Variants in PRKD1 observed in about 807,000 individuals in gnomAD.
PRKD1 encodes the protein protein kinase D1.
A neutral mutation model predicts 95.9 loss-of-function variants in PRKD1; 63 were observed. The observed-to-expected ratio is 0.66, with a 90% confidence interval of 0.54 to 0.81. PRKD1 has a LOEUF of 0.81. Among genes scored for constraint, PRKD1 ranks in the 30% least tolerant of loss-of-function variants. The probability of loss-of-function intolerance (pLI) is 0.00; values close to 1 mark genes in which losing one functional copy is unlikely to be tolerated. For missense variants in PRKD1, 1,048 were observed against 1,165.3 expected (o/e 0.90, Z 1.47); for synonymous variants, 425 against 423.1 (o/e 1.00, Z -0.05).
intron 1 of PRKD1, among the ~76,000 whole-genome samples, chr14:29,828,295 G>A (rs1891274309): frequency 6.6e-6 from 1 of 152,112 alleles, no homozygotes; most frequent in African/African-American, 2.4e-5. Context: ...AGGAGGAGCA[G>A]GCATGTCACA....
At chr14:29,852,356 G>A (rs1224397580) in intron 1 of PRKD1, among the ~76,000 whole-genome samples, 1 of 151,948 alleles carries the variant, frequency 6.6e-6, no homozygotes, top group Non-Finnish European at 1.5e-5. Context: ...ACACACTAGA[G>A]AAATTAGAAG....
At chr14:29,752,679 C>T (rs1887533401) in intron 1 of PRKD1, among the ~76,000 whole-genome samples, 1 of 151,906 alleles carries the variant, frequency 6.6e-6, no homozygotes, top group African/African-American at 2.4e-5. Context: ...ATGAGGGCAT[C>T]ACCAACTTAA....
intron 13 of PRKD1, among the ~76,000 whole-genome samples, chr14:29,618,919 G>C (rs1879056359): frequency 6.6e-6 from 1 of 152,198 alleles, no homozygotes; most frequent in African/African-American, 2.4e-5. Context: ...AGAGCTGACT[G>C]AGGAGGATTT....
intron 1 of PRKD1, among the ~76,000 whole-genome samples, chr14:29,926,471 C>T (rs979932632): frequency 6.6e-6 from 1 of 152,140 alleles, no homozygotes; most frequent in African/African-American, 2.4e-5. Context: ...GCTGAGTCTC[C>T]TCTGGGGGTG....
intron 1 of PRKD1, among the ~76,000 whole-genome samples, chr14:29,899,980 G>C (rs1173143961): frequency 3.9e-5 from 6 of 152,192 alleles, no homozygotes; most frequent in Non-Finnish European, 8.8e-5. Context: ...CTGAGCTTGA[G>C]CTCTCTTTCC....
At position 29,676,177 on chromosome 14, in the gene PRKD1, G is replaced by GTTTTTTTTTTTTT. The variant is rs147308040; in HGVS notation, c.404-9970_404-9969insAAAAAAAAAAAAA. Among the ~76,000 whole-genome samples the GTTTTTTTTTTTTT allele has an allele frequency of 2.4e-3, 248 of 104,658 alleles. 14 individuals are homozygous for GTTTTTTTTTTTTT. The highest frequency in any genetic ancestry group is 5.5e-3 in the African/African-American group (132 of 23,842). 68.7% of individuals were successfully genotyped at this position (104,658 alleles called of 152,430 possible). On this transcript the variant is annotated intron_variant, in intron 2 of 17. Coordinates refer to ENST00000331968, the MANE Select transcript of PRKD1 (RefSeq NM_002742.3). ...GCTGTAGGCATGCATAGTTCATTACGTTTTTGTTTTTTTTTTTTTTTTTTT... is the reference window on the plus strand; with the variant it reads ...GCTGTAGGCATGCATAGTTCATTACGTTTTTTTTTTTTTTTTTTGTTTTTTTTTTTTTTTTTTT...
At chr14:29,768,709 T>TAAAAA (rs558238071) in intron 1 of PRKD1, among the ~76,000 whole-genome samples, 1 of 142,332 alleles carries the variant, frequency 7.0e-6, no homozygotes. Context: ...TCTCCCTGAT[T>TAAAAA]AAAAAAAAAA....
chr14:29,789,310 T>C (rs1286476081), intron 1 of PRKD1, among the ~76,000 whole-genome samples: 2 of 152,162 alleles, frequency 1.3e-5, no homozygotes, highest in African/African-American at 4.8e-5. Flanking sequence ...TTTCCTTGCT[T>C]TTTCATTTTT....
At chr14:29,636,043 GC>G (rs1309701320) in intron 7 of PRKD1, among the ~76,000 whole-genome samples, 6 of 19,330 alleles carry the variant, frequency 3.1e-4, no homozygotes, top group African/African-American at 1.2e-3. Flanking sequence ...TCTCTCACAT[GC>G]AAAAAAAAAA....
At position 29,927,464 on chromosome 14, in the gene PRKD1, C is replaced by T; in HGVS notation, c.49G>A (p.Ala17Thr). The T allele has an allele frequency of 7.7e-7, 1 of 1,292,362 alleles. No individual in the cohort carries two copies. Among genetic ancestry groups the T allele is most frequent in the Non-Finnish European group, 9.8e-7 (1 of 1,024,764 alleles). 80.1% of individuals were successfully genotyped at this position (1,292,362 alleles called of 1,614,324 possible). ...LRPPSPLLPVAAAAAAAAAAL... is the reference protein window; with the variant it reads ...LRPPSPLLPVTAAAAAAAAAL... ...GCGGCCGCTGCGGCAGCTGCCGCCG[C>T]CACGGGCAGCAGCGGACTGGGCGGC... Residue 17 changes from alanine (A) to threonine (T), a missense_variant, in exon 1 of 18, where the codon GCG becomes ACG. By Grantham distance (58) the Ala-to-Thr change is moderately conservative. This residue lies in a region of PRKD1 where 34 missense variants were observed against 54.8 expected (regional missense o/e 0.62). Coordinates refer to ENST00000331968, the MANE Select transcript of PRKD1 (RefSeq NM_002742.3).
At chr14:29,585,664 T>G (rs748178977) in intron 16 of PRKD1, among the ~76,000 whole-genome samples, 14 of 152,196 alleles carry the variant, frequency 9.2e-5, no homozygotes, top group Non-Finnish European at 1.9e-4. Flanking sequence ...TATTTCTGGA[T>G]GGTAGAGCAT....
intron 1 of PRKD1, among the ~76,000 whole-genome samples, chr14:29,785,542 G>C (rs1889231819): frequency 1.3e-5 from 2 of 151,912 alleles, no homozygotes. Context: ...TTCCAATTTG[G>C]ATGCTCTTTA....
At chr14:29,865,828 C>T (rs1004493452) in intron 1 of PRKD1, among the ~76,000 whole-genome samples, 29 of 152,182 alleles carry the variant, frequency 1.9e-4, no homozygotes, top group African/African-American at 6.8e-4. Context: ...CCAAATTCCA[C>T]TTACCTGGCT....
chr14:29,663,945 A>C, intron 3 of PRKD1, 86 bp from the exon 4 acceptor site: 1 of 1,300,866 alleles, frequency 7.7e-7, no homozygotes, highest in Non-Finnish European at 1.1e-6. Flanking sequence ...AATTTAAAAA[A>C]TAGTACAGCT....
intron 1 of PRKD1, among the ~76,000 whole-genome samples, chr14:29,854,402 T>C (rs1400492401): frequency 6.6e-6 from 1 of 152,200 alleles, no homozygotes; most frequent in East Asian, 1.9e-4. Context: ...GCTGGTGGCA[T>C]TCTGCCCCTG....
chr14:29,711,707 T>C (rs1050962239), intron 2 of PRKD1, among the ~76,000 whole-genome samples: 1 of 152,172 alleles, frequency 6.6e-6, no homozygotes, highest in African/African-American at 2.4e-5. Context: ...CATATGGATC[T>C]TTTAAGAACC....
chr14:29,604,273 T>C (rs1229020811), intron 13 of PRKD1, among the ~76,000 whole-genome samples: 4 of 152,152 alleles, frequency 2.6e-5, no homozygotes, highest in African/African-American at 7.2e-5. Flanking sequence ...ATTTATTCCA[T>C]ATATGTAGTT....
At position 29,838,457 on chromosome 14, in the gene PRKD1, T is replaced by C. The variant is rs1414482752; in HGVS notation, c.264+88792A>G. ...TGTATAATCCTTCCAAGAAATTAGT[T>C]AGAAATATAGAGTTTTGTAAAAATA... On this transcript the variant is annotated intron_variant, in intron 1 of 17. Coordinates refer to ENST00000331968, the MANE Select transcript of PRKD1 (RefSeq NM_002742.3). Among the ~76,000 whole-genome samples, 3 of 152,124 alleles carry C rather than the reference T, an allele frequency of 2.0e-5. 1 individual carries two copies.
In PRKD1 at chr14:29,576,521, T is replaced by C. The variant is rs995329092; in HGVS notation, c.*717A>G. 3 of 152,562 alleles carry C rather than the reference T, an allele frequency of 2.0e-5. No homozygotes were observed. The highest frequency in any genetic ancestry group is 2.0e-4 in the Admixed American group (3 of 15,264). 9.5% of individuals were successfully genotyped at this position (152,562 alleles called of 1,614,324 possible). A position where few individuals can be genotyped will look rare whatever the true frequency, so the allele number is the denominator to read the frequency against. ...TTTATTATTGAAAAATACACAAAGG[T>C]GAAAGGTTGCTGAGCAGCTGATTTT... On this transcript the variant is annotated 3_prime_UTR_variant, in exon 18 of 18. Coordinates refer to ENST00000331968, the MANE Select transcript of PRKD1 (RefSeq NM_002742.3).
Sources: allele counts gnomAD v4.1 joint callset (sites outside exome capture counted in the v4.1 genomes callset), GRCh38; gene constraint gnomAD v4.1.1; regional missense constraint gnomAD v4.1.1; transcripts MANE v1.5; gene names NCBI Gene and HGNC (gene_info 2026-07-23, HGNC 2026-07-21).